The following RS1 variants were observed in gnomAD, a reference collection of about 807,000 sequenced individuals.
The protein encoded by RS1 is retinoschisin 1.
RS1 carries 2 observed loss-of-function variants against 20.8 expected under a neutral mutation model. That is an observed-to-expected ratio of 0.10 (90% CI 0.04 to 0.30). RS1 has a LOEUF of 0.30. RS1 is among the 10% of genes least tolerant of loss of function. The pLI is 1.00. For missense variants in RS1, 151 were observed against 189.8 expected (o/e 0.80, Z 1.20); for synonymous variants, 70 against 75.8 (o/e 0.92, Z 0.40).
At chrX:18,659,196 G>A (rs755028318) in intron 1 of RS1, among the ~76,000 whole-genome samples, 4 of 111,441 alleles carry the variant, frequency 3.6e-5, no homozygotes, top group South Asian at 3.8e-4. Flanking sequence ...AAAATTGGCC[G>A]GGCGGGGTAG....
At chrX:18,660,881 G>A (rs1158741019) in intron 1 of RS1, among the ~76,000 whole-genome samples, 2 of 111,706 alleles carry the variant, frequency 1.8e-5, no homozygotes, top group Non-Finnish European at 3.8e-5. Context: ...TGAGTACTTC[G>A]ATGGGCTATG....
chrX:18,655,018 G>A (rs1389318797), intron 3 of RS1, among the ~76,000 whole-genome samples: 4 of 67,115 alleles, frequency 6.0e-5, no homozygotes, highest in Non-Finnish European at 1.1e-4. Context: ...AGCAAGGCCG[G>A]TTTCATGCAA....
chrX:18,665,243 G>T (rs1401986726), intron 1 of RS1, among the ~76,000 whole-genome samples: 1 of 112,173 alleles, frequency 8.9e-6, no homozygotes, highest in African/African-American at 3.2e-5. Flanking sequence ...CGCTGCTGAG[G>T]CAGTGAGGTG....
chrX:18,649,715 C>G (rs1745909319), intron 3 of RS1, among the ~76,000 whole-genome samples: 2 of 112,101 alleles, frequency 1.8e-5, no homozygotes, highest in African/African-American at 6.5e-5. Context: ...TGAAAGTGCA[C>G]CTTGAAAACC....
intron 3 of RS1, chrX:18,650,084 CTCT>C: frequency 3.1e-6 from 1 of 326,841 alleles, no homozygotes. Context: ...TGGCACTTTG[CTCT>C]TCTTCATCTG....
chrX:18,644,691 G>C (rs1927712102), intron 4 of RS1, 66 bp from the exon 5 acceptor site: 2 of 1,104,996 alleles, frequency 1.8e-6, no homozygotes, highest in African/African-American at 3.6e-5. Context: ...GCCCGCAGGT[G>C]CTGGCTCTCG....
chrX:18,653,829 G>A (rs747458902), intron 3 of RS1, among the ~76,000 whole-genome samples: 2 of 109,916 alleles, frequency 1.8e-5, no homozygotes, highest in Admixed American at 2.0e-4. Context: ...TTAGCTGGGC[G>A]TGGTGGTGTG....
rs369976315 is a variant in RS1 at position 18,646,129 on chromosome X, C to T, written c.326+1062G>A. ...CCCGCATGCCATCAAGCTGCCATAA[C>T]GACCCTAGACTACTGAATGAAACTT... On this transcript the variant is annotated intron_variant, in intron 4 of 5. Transcript: ENST00000379984. The T allele has an allele frequency of 6.7e-5, 81 of 1,208,683 alleles. No individual in the cohort carries two copies. In the African/African-American group the frequency reaches 1.3e-3, roughly 20 times the overall value.
rs953932915 is a variant in RS1 at position 18,651,039 on chromosome X, T to C, written c.185-3707A>G. On this transcript the variant is annotated intron_variant, in intron 3 of 5. Coordinates refer to ENST00000379984, the MANE Select transcript of RS1 (RefSeq NM_000330.4). The stretch of plus-strand genomic sequence containing the variant: ...GTTGATAACCTTCTTGAATTTTGCA[T>C]GTTTTTCTGGCAAAGACTCAATAGG... Among the ~76,000 whole-genome samples, 6 of 110,982 alleles carry C rather than the reference T, an allele frequency of 5.4e-5. 1 individual carries two copies. The highest frequency in any genetic ancestry group is 9.4e-5 in the Non-Finnish European group (5 of 52,928).
intron 4 of RS1, among the ~76,000 whole-genome samples, chrX:18,646,941 G>C (rs751546463): frequency 9.0e-6 from 1 of 110,823 alleles, no homozygotes; most frequent in South Asian, 3.9e-4. Flanking sequence ...TTTTGAGACA[G>C]GGTCTCACTC....
At chrX:18,667,947 C>T (rs1928430900) in intron 1 of RS1, among the ~76,000 whole-genome samples, 1 of 111,577 alleles carries the variant, frequency 9.0e-6, no homozygotes, top group African/African-American at 3.3e-5. Context: ...ATGGCTGCTG[C>T]AGTCCCACAC....
At chrX:18,657,695 C>G (rs954566518) in intron 1 of RS1, 30 bp from the exon 2 acceptor site, 1 of 1,135,675 alleles carries the variant, frequency 8.8e-7, no homozygotes, top group African/African-American at 1.8e-5. Flanking sequence ...CAGAAAAAAT[C>G]TAATTAATGA....
At chrX:18,654,320 C>A (rs949975320) in intron 3 of RS1, among the ~76,000 whole-genome samples, 1 of 110,466 alleles carries the variant, frequency 9.1e-6, no homozygotes, top group Non-Finnish European at 1.9e-5. Flanking sequence ...GTGCCCCCCC[C>A]ATCTAGAGAT....
At chrX:18,647,134 A>G in intron 4 of RS1, 57 bp downstream of exon 4, 1 of 1,180,993 alleles carries the variant, frequency 8.5e-7, no homozygotes. Flanking sequence ...CCACGCTGGT[A>G]GAGAGGCCTA....
chrX:18,656,800 A>C lies in RS1; in HGVS notation c.79-42T>G, dbSNP rs781205609. Reference sequence around the variant, plus strand: ...AGGCAGGGCAGAAAAGTCACGGTCAAAGGCAACTGTGGTTGCCCCCACGGA... The same window carrying C: ...AGGCAGGGCAGAAAAGTCACGGTCACAGGCAACTGTGGTTGCCCCCACGGA... On this transcript the variant is annotated intron_variant, in intron 2 of 5. Transcript: ENST00000379984. 1.2e-5 allele frequency: 13 copies of C among 1,086,450 alleles called. No homozygotes were observed. The African/African-American group carries it at 2.4e-4, about 20-fold the overall frequency. The allele number at this position is 1,086,450 out of a possible 1,213,427, so 89.5% of individuals were successfully genotyped here.
intron 4 of RS1, chrX:18,646,110 T>G (rs758188305): frequency 8.3e-7 from 1 of 1,211,586 alleles, no homozygotes; most frequent in Non-Finnish European, 1.1e-6. Context: ...GGGCCCCGCA[T>G]GCCATCAAGC....
intron 5 of RS1, among the ~76,000 whole-genome samples, chrX:18,643,409 A>G (rs750868574): frequency 4.8e-4 from 53 of 111,064 alleles, no homozygotes; most frequent in African/African-American, 1.5e-3. Context: ...CTTTGAGCCT[A>G]TTCAAGTCAG....
chrX:18,663,389 G>A (rs1160194625), intron 1 of RS1, among the ~76,000 whole-genome samples: 1 of 92,843 alleles, frequency 1.1e-5, no homozygotes, highest in Non-Finnish European at 2.1e-5. Context: ...TTGTCGCCCA[G>A]GCTGGAGTAC....
At chrX:18,659,256 T>A (rs1379257183) in intron 1 of RS1, among the ~76,000 whole-genome samples, 1 of 110,990 alleles carries the variant, frequency 9.0e-6, no homozygotes, top group South Asian at 3.8e-4. Flanking sequence ...GGCCGATCAC[T>A]TGAGGTCAGG....
Sources: allele counts gnomAD v4.1 joint callset (sites outside exome capture counted in the v4.1 genomes callset), GRCh38; gene constraint gnomAD v4.1.1; transcripts MANE v1.5; gene names NCBI Gene and HGNC (gene_info 2026-07-23, HGNC 2026-07-21).